The following FBXL17 variants were observed in gnomAD, a reference collection of about 807,000 sequenced individuals.
FBXL17 encodes the protein F-box and leucine rich repeat protein 17, also known as F-box/LRR-repeat protein 17.
In FBXL17, 22 loss-of-function variants were observed where a neutral mutation model predicts 66.2. The observed-to-expected ratio is 0.33, with a 90% confidence interval of 0.24 to 0.47. The LOEUF (loss-of-function observed/expected upper bound fraction) is 0.47. Ranked by LOEUF, FBXL17 falls within the 20% of genes least tolerant of loss-of-function variation. FBXL17 has a pLI of 1.00. For synonymous variants in FBXL17, 474 were observed against 400.5 expected, an observed-to-expected ratio of 1.18 and a Z score of -2.19; for missense variants, 878 against 948.2, an observed-to-expected ratio of 0.93 and a Z score of 0.97.
intron 7 of FBXL17, among the ~76,000 whole-genome samples, chr5:107,982,311 T>C (rs1285670585): frequency 1.3e-5 from 2 of 151,584 alleles, no homozygotes; most frequent in East Asian, 1.9e-4. Flanking sequence ...CCATCAATAT[T>C]GACCTTATCT....
chr5:108,118,847 G>A (rs1196326758), intron 6 of FBXL17, among the ~76,000 whole-genome samples: 1 of 152,060 alleles, frequency 6.6e-6, no homozygotes, highest in Non-Finnish European at 1.5e-5. Context: ...TGATCCTTCA[G>A]ATCTATTTTA....
chr5:107,936,446 A>T (rs1040398438), intron 7 of FBXL17, among the ~76,000 whole-genome samples: 4 of 152,078 alleles, frequency 2.6e-5, no homozygotes, highest in South Asian at 2.1e-4. Flanking sequence ...TTTAAAAAAA[A>T]TTCCCAGGGG....
chr5:108,064,670 TA>T (rs1458191036), intron 6 of FBXL17, among the ~76,000 whole-genome samples: 1 of 152,222 alleles, frequency 6.6e-6, no homozygotes, highest in Middle Eastern at 3.2e-3. Context: ...AATAAAACAT[TA>T]TTGTAATGCA....
intron 5 of FBXL17, among the ~76,000 whole-genome samples, chr5:108,220,827 G>C (rs1191134391): frequency 3.3e-5 from 5 of 152,194 alleles, no homozygotes; most frequent in South Asian, 2.1e-4. Flanking sequence ...GTGGGAGAGA[G>C]AGCAAGATAT....
intron 6 of FBXL17, among the ~76,000 whole-genome samples, chr5:108,136,827 C>G (rs1015626561): frequency 6.6e-6 from 1 of 151,998 alleles, no homozygotes; most frequent in African/African-American, 2.4e-5. Context: ...TTTGATCATT[C>G]CACATTTTCT....
chr5:108,295,995 G>C (rs1323048013), intron 4 of FBXL17, among the ~76,000 whole-genome samples: 1 of 149,218 alleles, frequency 6.7e-6, no homozygotes, highest in Admixed American at 6.7e-5. Flanking sequence ...TTCAGTGCTA[G>C]TAAGAATAGG....
intron 5 of FBXL17, among the ~76,000 whole-genome samples, chr5:108,195,180 T>C (rs1038410819): frequency 6.6e-6 from 1 of 151,722 alleles, no homozygotes; most frequent in African/African-American, 2.4e-5. Flanking sequence ...ATAAAATAAA[T>C]AAACAAATAT....
chr5:108,084,093 A>G (rs1422689013), intron 6 of FBXL17, among the ~76,000 whole-genome samples: 1 of 152,218 alleles, frequency 6.6e-6, no homozygotes, highest in Non-Finnish European at 1.5e-5. Context: ...CTGTGTTATC[A>G]GTAAAAACTA....
At chr5:107,934,338 A>C (rs1750828765) in intron 7 of FBXL17, among the ~76,000 whole-genome samples, 1 of 152,150 alleles carries the variant, frequency 6.6e-6, no homozygotes, top group South Asian at 2.1e-4. Context: ...ATAAATGACC[A>C]TTTTACATAA....
chr5:108,160,971 G>C (rs1752188476), intron 6 of FBXL17, among the ~76,000 whole-genome samples: 1 of 152,014 alleles, frequency 6.6e-6, no homozygotes, highest in Non-Finnish European at 1.5e-5. Context: ...CCCTGCTTTT[G>C]GGCCTCTGAG....
intron 5 of FBXL17, among the ~76,000 whole-genome samples, chr5:108,205,016 T>G (rs1200208063): frequency 6.6e-6 from 1 of 151,820 alleles, no homozygotes; most frequent in Non-Finnish European, 1.5e-5. Flanking sequence ...GCTCAAAAGA[T>G]CCCCTCATTT....
intron 6 of FBXL17, among the ~76,000 whole-genome samples, chr5:108,169,345 T>C (rs1429197312): frequency 6.6e-6 from 1 of 152,214 alleles, no homozygotes; most frequent in Non-Finnish European, 1.5e-5. Context: ...GTAAGTAATA[T>C]CTATTTCCTC....
intron 4 of FBXL17, among the ~76,000 whole-genome samples, chr5:108,320,804 T>A (rs1759582949): frequency 6.6e-6 from 1 of 151,792 alleles, no homozygotes; most frequent in Admixed American, 6.6e-5. Flanking sequence ...TATTATCATA[T>A]TTAAGTAGGT....
At chr5:108,197,992 A>T (rs1413420603) in intron 5 of FBXL17, among the ~76,000 whole-genome samples, 1 of 152,124 alleles carries the variant, frequency 6.6e-6, no homozygotes, top group African/African-American at 2.4e-5. Context: ...GTGGATGAGA[A>T]ACTTTCGTCT....
At chr5:108,126,650 T>TATATATATATATA (rs1387685363) in intron 6 of FBXL17, among the ~76,000 whole-genome samples, 38 of 77,750 alleles carry the variant, frequency 4.9e-4, no homozygotes, top group Admixed American at 9.7e-4. Context: ...TCTCTCTCTC[T>TATATATATATATA]CTATATATAT....
At chr5:108,274,013 G>A (rs1490915249) in intron 4 of FBXL17, among the ~76,000 whole-genome samples, 1 of 152,004 alleles carries the variant, frequency 6.6e-6, no homozygotes, top group Non-Finnish European at 1.5e-5. Flanking sequence ...AAGTGATTCA[G>A]GAAATGTGAG....
At chr5:107,881,592 G>C (rs777260451) in intron 7 of FBXL17, among the ~76,000 whole-genome samples, 38 of 152,054 alleles carry the variant, frequency 2.5e-4, no homozygotes, top group Non-Finnish European at 4.6e-4. Context: ...ATTTTGAGGA[G>C]TGTTATACTG....
Position 107,861,868 on chromosome 5 carries a change from CAAAGA to C in FBXL17, c.1966-13_1966-9del. On this transcript the variant is annotated splice_polypyrimidine_tract_variant and intron_variant, in intron 8 of 8. Coordinates refer to ENST00000542267, the MANE Select transcript of FBXL17 (RefSeq NM_001163315.3). ...CACCGTCACTTCGTTGACCTGCAAA[CAAAGA>C]AGAGTCACCATCACGCACAGAGACC... 6.6e-7 allele frequency: 1 copy of C among 1,509,408 alleles called. No individual in the cohort carries two copies. Among genetic ancestry groups the C allele is most frequent in the Non-Finnish European group, 8.9e-7 (1 of 1,120,554 alleles). 93.5% of individuals were successfully genotyped at this position (1,509,408 alleles called of 1,614,324 possible).
intron 6 of FBXL17, among the ~76,000 whole-genome samples, chr5:108,154,610 T>C (rs1217137276): frequency 1.4e-5 from 1 of 71,306 alleles, no homozygotes; most frequent in Non-Finnish European, 2.6e-5. Flanking sequence ...AAAAAAAATA[T>C]ATATATACAC....
Sources: allele counts gnomAD v4.1 joint callset (sites outside exome capture counted in the v4.1 genomes callset), GRCh38; gene constraint gnomAD v4.1.1; transcripts MANE v1.5; gene names NCBI Gene and HGNC (gene_info 2026-07-23, HGNC 2026-07-21).